Variants in NAALADL2 observed in about 807,000 individuals in gnomAD.
NAALADL2 encodes N-acetylated alpha-linked acidic dipeptidase like 2, also known as inactive N-acetylated-alpha-linked acidic dipeptidase-like protein 2.
NAALADL2 carries 76 observed loss-of-function variants against 87.2 expected under a neutral mutation model. The observed-to-expected ratio is 0.87, with a 90% confidence interval of 0.72 to 1.05. NAALADL2 has a LOEUF of 1.05. NAALADL2 is among the 50% of genes least tolerant of loss of function. The pLI is 0.00. For missense variants in NAALADL2, 1,089 were observed against 945.8 expected, an observed-to-expected ratio of 1.15 and a Z score of -1.99; for synonymous variants, 354 against 331.0, an observed-to-expected ratio of 1.07 and a Z score of -0.75.
chr3:175,046,101 T>C (rs980865345), intron 1 of NAALADL2, among the ~76,000 whole-genome samples: 2 of 152,028 alleles, frequency 1.3e-5, no homozygotes, highest in African/African-American at 4.8e-5. Flanking sequence ...AAGTCTGCTT[T>C]TGGGGAAGTG....
intron 10 of NAALADL2, among the ~76,000 whole-genome samples, chr3:175,596,820 G>A (rs867753288): frequency 1.3e-5 from 2 of 151,682 alleles, no homozygotes; most frequent in African/African-American, 2.4e-5. Context: ...TATTTTTACC[G>A]CCTAAGTCCT....
In NAALADL2 at chr3:174,934,540, G is replaced by T. The variant is rs547626735; in HGVS notation, c.43+75090G>T. Among the ~76,000 whole-genome samples, 3 of 152,140 alleles carry T rather than the reference G, an allele frequency of 2.0e-5. No homozygotes were observed. In the South Asian group the frequency reaches 6.2e-4, roughly 32 times the overall value. On this transcript the variant is annotated intron_variant, in intron 1 of 13. Transcript: ENST00000454872. ...GAAATATCAACCATGTGCCGAGCGCGGTGGGTCATGTCTGTAATCCCAGCA... is the reference window on the plus strand; with the variant it reads ...GAAATATCAACCATGTGCCGAGCGCTGTGGGTCATGTCTGTAATCCCAGCA...
chr3:175,405,367 G>A (rs917204923), intron 5 of NAALADL2, among the ~76,000 whole-genome samples: 3 of 152,024 alleles, frequency 2.0e-5, no homozygotes, highest in South Asian at 4.1e-4. Flanking sequence ...GTATACTTTA[G>A]TAAGCTCATT....
At chr3:175,688,619 T>C (rs992965587) in intron 11 of NAALADL2, among the ~76,000 whole-genome samples, 2 of 152,056 alleles carry the variant, frequency 1.3e-5, no homozygotes, top group African/African-American at 4.8e-5. Context: ...AGGGATCATC[T>C]CTCTGTTGAG....
At chr3:174,675,577 G>A (rs1419551329) in intron 2 of NAALADL2, among the ~76,000 whole-genome samples, 2 of 152,068 alleles carry the variant, frequency 1.3e-5, no homozygotes, top group African/African-American at 4.8e-5. Flanking sequence ...AACCAGAACA[G>A]ACTGTTCTGT....
chr3:174,517,818 G>A (rs1720025688), intron 1 of NAALADL2, among the ~76,000 whole-genome samples: 1 of 152,006 alleles, frequency 6.6e-6, no homozygotes, highest in African/African-American at 2.4e-5. Flanking sequence ...TTGTGTTTCT[G>A]TCACTCACTG....
chr3:174,645,431 A>G (rs1200859368), intron 2 of NAALADL2, among the ~76,000 whole-genome samples: 1 of 152,202 alleles, frequency 6.6e-6, no homozygotes, highest in Non-Finnish European at 1.5e-5. Context: ...TGCTTTGGTT[A>G]CAAGAATGAA....
At chr3:175,589,456 T>C (rs1289098364) in intron 10 of NAALADL2, among the ~76,000 whole-genome samples, 4 of 152,024 alleles carry the variant, frequency 2.6e-5, no homozygotes, top group Non-Finnish European at 4.4e-5. Flanking sequence ...TTCCTTCCTT[T>C]CTTCTTTCCT....
At chr3:175,667,797 C>A (rs1185000474) in intron 11 of NAALADL2, among the ~76,000 whole-genome samples, 2 of 120,286 alleles carry the variant, frequency 1.7e-5, no homozygotes, top group Non-Finnish European at 3.4e-5. Context: ...CCAAGGATGT[C>A]TTTTTCCTTC....
At chr3:175,081,400 A>C (rs151297865) in intron 1 of NAALADL2, among the ~76,000 whole-genome samples, 188 of 152,230 alleles carry the variant, frequency 1.2e-3, no homozygotes, top group African/African-American at 3.5e-3. Context: ...TTCTGGGGTA[A>C]TCCAGTTATC....
At chr3:175,068,777 C>A (rs1426245011) in intron 1 of NAALADL2, among the ~76,000 whole-genome samples, 1 of 152,030 alleles carries the variant, frequency 6.6e-6, no homozygotes, top group Non-Finnish European at 1.5e-5. Context: ...TATTTTAACT[C>A]AATAAATAAC....
chr3:174,830,594 G>A (rs1481064990), intron 3 of NAALADL2, among the ~76,000 whole-genome samples: 88 of 151,836 alleles, frequency 5.8e-4, no homozygotes, highest in African/African-American at 1.4e-3. Context: ...TTGGCGATGC[G>A]GGCTCTTTTT....
intron 10 of NAALADL2, among the ~76,000 whole-genome samples, chr3:175,587,253 C>CTT (rs1414829504): frequency 7.9e-5 from 12 of 152,194 alleles, no homozygotes. Flanking sequence ...TAATTGCAGA[C>CTT]TTAGTTCTCC....
rs183337323 is a variant in NAALADL2 at position 174,617,764 on chromosome 3, A to G, written c.-115+67127A>G. ...TTAGCAGGTGCAAGATTTAGAGATG[A>G]TTTACCAAGGATAATTTATAAACTG... On this transcript the variant is annotated intron_variant, in intron 2 of 3. Transcript: ENST00000434257. Among the ~76,000 whole-genome samples, 4 of 151,902 alleles carry G rather than the reference A, an allele frequency of 2.6e-5. No homozygotes were observed. In the East Asian group the frequency reaches 7.7e-4, roughly 29 times the overall value.
chr3:174,507,792 A>T (rs981590697), intron 1 of NAALADL2, among the ~76,000 whole-genome samples: 1 of 152,076 alleles, frequency 6.6e-6, no homozygotes, highest in African/African-American at 2.4e-5. Flanking sequence ...TTATCCACAT[A>T]TGAACATTTA....
At chr3:175,012,845 C>T (rs899894776) in intron 1 of NAALADL2, among the ~76,000 whole-genome samples, 3 of 151,332 alleles carry the variant, frequency 2.0e-5, no homozygotes, top group East Asian at 2.0e-4. Flanking sequence ...ATAAGAAAAT[C>T]GGTTTTCATT....
Position 175,467,200 on chromosome 3 carries a change from C to T in NAALADL2, c.1533+16C>T. On this transcript the variant is annotated intron_variant, in intron 8 of 13. Coordinates refer to ENST00000454872, the MANE Select transcript of NAALADL2 (RefSeq NM_207015.3). ...ATGGGGAGAGGTAAAGCAAAATATA[C>T]ATTAATTACAGTGCTTTTCTTTTCT... The T allele has an allele frequency of 6.3e-7, 1 of 1,591,112 alleles. No individual in the cohort carries two copies. Among genetic ancestry groups the T allele is most frequent in the Non-Finnish European group, 8.6e-7 (1 of 1,161,320 alleles).
intron 13 of NAALADL2, among the ~76,000 whole-genome samples, chr3:175,759,945 G>A (rs939136719): frequency 6.6e-6 from 1 of 152,150 alleles, no homozygotes; most frequent in African/African-American, 2.4e-5. Flanking sequence ...GTAGAAATAT[G>A]TGTTGTTAGG....
intron 2 of NAALADL2, among the ~76,000 whole-genome samples, chr3:174,587,958 T>C (rs1037003810): frequency 2.6e-5 from 4 of 151,946 alleles, no homozygotes; most frequent in South Asian, 4.1e-4. Flanking sequence ...CTGGATAATA[T>C]CCTGAGTTTT....
Sources: gnomAD v4.1 joint callset for allele counts (sites outside exome capture counted in the v4.1 genomes callset) on GRCh38, gnomAD v4.1.1 for gene constraint, MANE v1.5 for transcripts, NCBI Gene and HGNC (gene_info 2026-07-23, HGNC 2026-07-21) for gene names.